The following ITFG1 variants were observed in gnomAD, a reference collection of about 807,000 sequenced individuals.
The protein encoded by ITFG1 is T-cell immunomodulatory protein.
A neutral mutation model predicts 81.8 loss-of-function variants in ITFG1; 34 were observed. The ratio of observed to expected loss-of-function variants is 0.42; its 90% CI spans 0.32 to 0.55. ITFG1 has a LOEUF of 0.55. Among genes scored for constraint, ITFG1 ranks in the 20% least tolerant of loss-of-function variants. The probability of loss-of-function intolerance (pLI) is 0.17; values close to 1 mark genes in which losing one functional copy is unlikely to be tolerated. For synonymous variants in ITFG1, 285 were observed against 270.6 expected, an observed-to-expected ratio of 1.05 and a Z score of -0.52; for missense variants, 672 against 755.4, an observed-to-expected ratio of 0.89 and a Z score of 1.29.
chr16:47,202,938 T>C (rs1596805660), intron 14 of ITFG1, among the ~76,000 whole-genome samples: 3 of 152,212 alleles, frequency 2.0e-5, no homozygotes, highest in African/African-American at 4.8e-5. Flanking sequence ...TGGAAAATGG[T>C]ATAGTGGTTC....
At chr16:47,208,645 A>G (rs1965529661) in intron 14 of ITFG1, among the ~76,000 whole-genome samples, 1 of 152,228 alleles carries the variant, frequency 6.6e-6, no homozygotes, top group South Asian at 2.1e-4. Context: ...GTGGTAATCA[A>G]TAAAACTTCT....
intron 10 of ITFG1, among the ~76,000 whole-genome samples, chr16:47,261,710 T>C (rs775609350): frequency 6.6e-6 from 1 of 152,220 alleles, no homozygotes. Flanking sequence ...TCTCACTCTG[T>C]CACCCAGCTG....
At chr16:47,161,917 C>A in intron 15 of ITFG1, 85 bp from the exon 16 acceptor site, 1 of 862,490 alleles carries the variant, frequency 1.2e-6, no homozygotes, top group Non-Finnish European at 1.9e-6. Flanking sequence ...AAAAATCTAG[C>A]TACTTTGAGA....
chr16:47,308,744 T>C (rs1967209379), intron 10 of ITFG1, among the ~76,000 whole-genome samples: 2 of 152,252 alleles, frequency 1.3e-5, no homozygotes, highest in South Asian at 4.1e-4. Context: ...TCATGGCTGA[T>C]ACTCAGACTT....
At chr16:47,222,986 A>C (rs950087392) in intron 13 of ITFG1, among the ~76,000 whole-genome samples, 1 of 152,044 alleles carries the variant, frequency 6.6e-6, no homozygotes, top group African/African-American at 2.4e-5. Flanking sequence ...CAATGGGGAA[A>C]GGATTCCCTA....
intron 8 of ITFG1, among the ~76,000 whole-genome samples, chr16:47,349,203 C>A (rs572033491): frequency 6.6e-6 from 1 of 152,270 alleles, no homozygotes; most frequent in East Asian, 1.9e-4. Flanking sequence ...CAAATTCACA[C>A]ATAACAATAT....
rs1555514103 is a variant in ITFG1 at position 47,396,524 on chromosome 16, T to TGTGTGTGTGTGTGTGTG, written c.656-20585_656-20584insCACACACACACACACAC. On this transcript the variant is annotated intron_variant, in intron 6 of 17. Transcript: ENST00000320640. ...ACAGTCTCCTAACCTAATAATTATTTTGTGTGTGTGTGTGTGTGTGAAAGA... is the reference window on the plus strand; with the variant it reads ...ACAGTCTCCTAACCTAATAATTATTTGTGTGTGTGTGTGTGTGTGTGTGTGTGTGTGTGTGTGAAAGA... Among the ~76,000 whole-genome samples, 157 of 149,202 alleles carry TGTGTGTGTGTGTGTGTG rather than the reference T, an allele frequency of 1.1e-3. 3 individuals carry two copies. The highest frequency in any genetic ancestry group is 3.6e-3 in the African/African-American group (146 of 40,282).
At chr16:47,196,444 G>A (rs1965359500) in intron 14 of ITFG1, 1 of 152,066 alleles carries the variant, frequency 6.6e-6, no homozygotes, top group African/African-American at 2.4e-5. Context: ...AAGTGCTGAG[G>A]TGGGGGGAAG....
intron 8 of ITFG1, among the ~76,000 whole-genome samples, chr16:47,329,537 T>G (rs946026555): frequency 1.3e-5 from 2 of 152,174 alleles, no homozygotes; most frequent in Non-Finnish European, 2.9e-5. Context: ...CCTCAGTTTC[T>G]TTATCTGTAA....
At chr16:47,320,479 C>T (rs376931512) in intron 8 of ITFG1, among the ~76,000 whole-genome samples, 2 of 152,164 alleles carry the variant, frequency 1.3e-5, no homozygotes, top group African/African-American at 2.4e-5. Flanking sequence ...TTTTGATATA[C>T]AATTGTGAGT....
At chr16:47,295,816 T>A (rs948718598) in intron 10 of ITFG1, among the ~76,000 whole-genome samples, 6 of 152,164 alleles carry the variant, frequency 3.9e-5, no homozygotes, top group African/African-American at 1.4e-4. Context: ...TGCTTTAATT[T>A]TTATTATTTC....
intron 10 of ITFG1, among the ~76,000 whole-genome samples, chr16:47,266,844 T>C (rs1325668485): frequency 6.6e-6 from 1 of 152,190 alleles, no homozygotes; most frequent in Admixed American, 6.5e-5. Context: ...ATGTGGTATA[T>C]CTATATAACA....
In ITFG1 at chr16:47,166,289, A is replaced by T. The variant is rs1964889178; in HGVS notation, c.1454-3625T>A. On this transcript the variant is annotated intron_variant, in intron 14 of 17. Coordinates refer to ENST00000320640, the MANE Select transcript of ITFG1 (RefSeq NM_030790.5). ...CTGTTTTCCTGTTTATACTATTAAAATTGCCTATGCAATAAGCAAGCTTAA... is the reference window on the plus strand; with the variant it reads ...CTGTTTTCCTGTTTATACTATTAAATTTGCCTATGCAATAAGCAAGCTTAA... Among the ~76,000 whole-genome samples, 3 of 152,270 alleles carry T rather than the reference A, an allele frequency of 2.0e-5. No homozygotes were observed. In the South Asian group the frequency reaches 6.2e-4, roughly 31 times the overall value.
At chr16:47,436,611 T>C (rs191418189) in intron 5 of ITFG1, among the ~76,000 whole-genome samples, 2 of 152,298 alleles carry the variant, frequency 1.3e-5, no homozygotes, top group Admixed American at 1.3e-4. Context: ...ATGTAAATGC[T>C]AAGAAATCTT....
intron 5 of ITFG1, among the ~76,000 whole-genome samples, chr16:47,432,587 T>C (rs111609321): frequency 8.5e-4 from 130 of 152,320 alleles, no homozygotes; most frequent in African/African-American, 3.0e-3. Context: ...CCAAGCAGTA[T>C]TCATACAGAC....
At chr16:47,158,840 A>C in intron 17 of ITFG1, 33 bp downstream of exon 17, 1 of 1,205,596 alleles carries the variant, frequency 8.3e-7, no homozygotes, top group Non-Finnish European at 1.2e-6. Flanking sequence ...GAATAAATTA[A>C]CCAAAATTAA....
chr16:47,161,656 C>T, intron 16 of ITFG1, 94 bp downstream of exon 16: 1 of 780,418 alleles, frequency 1.3e-6, no homozygotes, highest in Admixed American at 1.8e-5. Flanking sequence ...CATGGGAACA[C>T]AGCAGGAATA....
chr16:47,318,836 T>C lies in ITFG1; in HGVS notation c.803-5013A>G, dbSNP rs369094343. ...ATTATATTTTAACACTGATTTTATA[T>C]GCAATCTGTTGTAATATGTTGTTTT... On this transcript the variant is annotated intron_variant, in intron 8 of 17. Transcript: ENST00000320640. 1.1e-4 allele frequency among the ~76,000 whole-genome samples: 16 copies of C among 152,364 alleles called. 1 individual carries two copies. The South Asian group carries it at 3.3e-3, about 32-fold the overall frequency.
At chr16:47,406,444 T>C (rs894997576) in intron 6 of ITFG1, among the ~76,000 whole-genome samples, 1 of 152,204 alleles carries the variant, frequency 6.6e-6, no homozygotes, top group Non-Finnish European at 1.5e-5. Context: ...GCTCCTTTTG[T>C]TAGTTGTTAA....
Sources: allele counts gnomAD v4.1 joint callset (sites outside exome capture counted in the v4.1 genomes callset), GRCh38; gene constraint gnomAD v4.1.1; transcripts MANE v1.5; gene names NCBI Gene and HGNC (gene_info 2026-07-23, HGNC 2026-07-21).